Variants in MAGI2 observed in about 807,000 individuals in gnomAD.
The protein encoded by MAGI2 is membrane associated guanylate kinase, WW and PDZ domain containing 2, also known as membrane-associated guanylate kinase, WW and PDZ domain-containing protein 2.
MAGI2 carries 35 observed loss-of-function variants against 133.3 expected under a neutral mutation model. The observed-to-expected ratio is 0.26, with a 90% CI of 0.20 to 0.35. The LOEUF is 0.35. Ranked by LOEUF, MAGI2 falls within the 10% of genes least tolerant of loss-of-function variation. The pLI is 1.00. For synonymous variants in MAGI2, 729 were observed against 710.6 expected (o/e 1.03, Z -0.41); for missense variants, 1,636 against 1,863.4 (o/e 0.88, Z 2.25).
intron 2 of MAGI2, among the ~76,000 whole-genome samples, chr7:78,852,952 A>G (rs1414147381): frequency 6.6e-6 from 1 of 152,176 alleles, no homozygotes; most frequent in Non-Finnish European, 1.5e-5. Context: ...TATAATCTTC[A>G]ATACAAAGTT....
intron 1 of MAGI2, among the ~76,000 whole-genome samples, chr7:79,010,766 T>C (rs562486312): frequency 6.6e-6 from 1 of 152,224 alleles, no homozygotes. Flanking sequence ...TTGACTTATT[T>C]AGTTATGTGA....
intron 1 of MAGI2, among the ~76,000 whole-genome samples, chr7:79,380,370 C>A (rs1320295204): frequency 6.6e-6 from 1 of 151,792 alleles, no homozygotes; most frequent in Non-Finnish European, 1.5e-5. Flanking sequence ...TGCTCTATAA[C>A]AACAATGCTG....
intron 2 of MAGI2, among the ~76,000 whole-genome samples, chr7:78,693,547 A>G (rs1055500902): frequency 2.0e-5 from 3 of 152,152 alleles, no homozygotes; most frequent in African/African-American, 4.8e-5. Flanking sequence ...GTCTACAGAT[A>G]TTTTCAACTC....
chr7:79,318,576 A>G (rs781232583), intron 1 of MAGI2, among the ~76,000 whole-genome samples: 2 of 152,188 alleles, frequency 1.3e-5, no homozygotes, highest in Non-Finnish European at 2.9e-5. Flanking sequence ...GAATAACTAT[A>G]CTTATCAAAT....
At chr7:79,365,408 CAA>C (rs74487684) in intron 1 of MAGI2, among the ~76,000 whole-genome samples, 1 of 151,884 alleles carries the variant, frequency 6.6e-6, no homozygotes, top group Non-Finnish European at 1.5e-5. Flanking sequence ...TATGTTCACA[CAA>C]AAAAACTGTA....
intron 9 of MAGI2, among the ~76,000 whole-genome samples, chr7:78,296,801 C>A (rs1467081892): frequency 6.6e-6 from 1 of 152,058 alleles, no homozygotes; most frequent in African/African-American, 2.4e-5. Flanking sequence ...GAATATTTAG[C>A]TTTGGAAATG....
At chr7:78,601,941 G>C (rs1006348378) in intron 3 of MAGI2, among the ~76,000 whole-genome samples, 1 of 152,154 alleles carries the variant, frequency 6.6e-6, no homozygotes. Flanking sequence ...AGGCAAGCCA[G>C]AGTCCTACTT....
chr7:78,161,584 T>C (rs1436813156), intron 15 of MAGI2, among the ~76,000 whole-genome samples: 1 of 144,584 alleles, frequency 6.9e-6, no homozygotes, highest in African/African-American at 2.6e-5. Flanking sequence ...CTCTTAACCT[T>C]ACAAGCTGCA....
At chr7:78,873,117 A>G (rs1209672375) in intron 2 of MAGI2, among the ~76,000 whole-genome samples, 1 of 152,206 alleles carries the variant, frequency 6.6e-6, no homozygotes, top group Non-Finnish European at 1.5e-5. Flanking sequence ...ATGAAAGACT[A>G]AGACTGTAAA....
intron 1 of MAGI2, among the ~76,000 whole-genome samples, chr7:79,422,703 T>G (rs947500175): frequency 6.6e-6 from 1 of 151,884 alleles, no homozygotes; most frequent in Non-Finnish European, 1.5e-5. Context: ...TTTAGGAAGG[T>G]TTTTCTACTA....
At chr7:78,226,324 A>G (rs1357955674) in intron 10 of MAGI2, among the ~76,000 whole-genome samples, 3 of 151,532 alleles carry the variant, frequency 2.0e-5, no homozygotes, top group Admixed American at 2.0e-4. Context: ...AATGTTTAAA[A>G]AAAAAAAAAA....
chr7:78,468,460 A>T (rs901879252), intron 6 of MAGI2, among the ~76,000 whole-genome samples: 1 of 152,122 alleles, frequency 6.6e-6, no homozygotes, highest in Non-Finnish European at 1.5e-5. Flanking sequence ...ATATGCTTAT[A>T]TATTATATAT....
chr7:79,425,639 C>T (rs1229661901), intron 1 of MAGI2, among the ~76,000 whole-genome samples: 1 of 150,090 alleles, frequency 6.7e-6, no homozygotes, highest in African/African-American at 2.4e-5. Context: ...ACATAACTAC[C>T]ATTGTCTGAG....
At chr7:78,782,516 C>T (rs536588109) in intron 2 of MAGI2, among the ~76,000 whole-genome samples, 124 of 152,104 alleles carry the variant, frequency 8.2e-4, no homozygotes, top group African/African-American at 2.8e-3. Flanking sequence ...ATTTAGGGAT[C>T]CCCTAGGGCA....
At chr7:78,233,529 C>A (rs572991892) in intron 10 of MAGI2, among the ~76,000 whole-genome samples, 2 of 152,046 alleles carry the variant, frequency 1.3e-5, no homozygotes, top group Admixed American at 6.6e-5. Context: ...GAATCACTAT[C>A]TTTATGATTT....
At chr7:78,329,173 C>T (rs1788911031) in intron 9 of MAGI2, among the ~76,000 whole-genome samples, 1 of 152,140 alleles carries the variant, frequency 6.6e-6, no homozygotes, top group Non-Finnish European at 1.5e-5. Flanking sequence ...ATGAGAGGCA[C>T]ATTAATTACA....
At chr7:79,422,762 C>A (rs1482911177) in intron 1 of MAGI2, among the ~76,000 whole-genome samples, 1 of 151,946 alleles carries the variant, frequency 6.6e-6, no homozygotes, top group East Asian at 1.9e-4. Context: ...TGCAAAAACA[C>A]AGCCCGACTC....
In MAGI2 at chr7:78,054,282, C is replaced by T. The variant is rs146882819; in HGVS notation, c.3706+24665G>A. On this transcript the variant is annotated intron_variant, in intron 21 of 21. Transcript: ENST00000354212. The stretch of plus-strand genomic sequence containing the variant: ...CTGCGACTACAAGTGTGCATCACCA[C>T]GCCTGGCAAATTTTTGTATTTTTAG... 2.9e-3 allele frequency among the ~76,000 whole-genome samples: 445 copies of T among 152,192 alleles called. 1 individual carries two copies. The highest frequency in any genetic ancestry group is 9.9e-3 in the African/African-American group (411 of 41,530).
rs1410610848 is a variant in MAGI2, at chr7:78,398,516, A to G, written c.1046-29303T>C. 2.0e-5 allele frequency among the ~76,000 whole-genome samples: 3 copies of G among 152,326 alleles called. No individual in the cohort carries two copies. The East Asian group carries it at 5.8e-4, about 29-fold the overall frequency. On this transcript the variant is annotated intron_variant, in intron 6 of 21. Transcript: ENST00000354212. ...TTTAGACAGGTTTCTTCCTGACTAT[A>G]GACCCCCGACCTCCCTTTTCTTAGA...
Sources: gnomAD v4.1 joint callset for allele counts (sites outside exome capture counted in the v4.1 genomes callset) on GRCh38, gnomAD v4.1.1 for gene constraint, MANE v1.5 for transcripts, NCBI Gene and HGNC (gene_info 2026-07-23, HGNC 2026-07-21) for gene names.